Variants in MCM8 observed in about 807,000 individuals in gnomAD.
The protein encoded by MCM8 is DNA helicase MCM8.
A neutral mutation model predicts 98.9 loss-of-function variants in MCM8; 85 were observed. The ratio of observed to expected loss-of-function variants is 0.86; its 90% confidence interval spans 0.72 to 1.03. The LOEUF is 1.03. Among genes scored for constraint, MCM8 ranks in the 50% least tolerant of loss-of-function variants. The pLI, the probability that MCM8 is intolerant of heterozygous loss-of-function variation, is 0.00. For synonymous variants in MCM8, 352 were observed against 338.6 expected (o/e 1.04, Z -0.44); for missense variants, 951 against 997.8 (o/e 0.95, Z 0.63).
chr20:5,983,927 T>C (rs144332501), intron 14 of MCM8, among the ~76,000 whole-genome samples: 2 of 152,200 alleles, frequency 1.3e-5, no homozygotes, highest in Admixed American at 1.3e-4. Flanking sequence ...AAAACTATAA[T>C]AAGACTGTAG....
intron 7 of MCM8, among the ~76,000 whole-genome samples, chr20:5,959,450 A>G (rs2089078818): frequency 6.6e-6 from 1 of 152,164 alleles, no homozygotes; most frequent in African/African-American, 2.4e-5. Context: ...GGTATCCTGA[A>G]TGTAACACGC....
intron 11 of MCM8, 39 bp from the exon 12 acceptor site, chr20:5,973,017 T>G: frequency 1.9e-6 from 3 of 1,608,236 alleles, no homozygotes; most frequent in Non-Finnish European, 2.6e-6. Context: ...CCTTTATGTT[T>G]TCCTTACTTC....
chr20:5,986,096 A>G lies in MCM8; in HGVS notation c.2128A>G (p.Thr710Ala), dbSNP rs1406946015. ...SQRLNSSPIT[T>A]RQLESLIRLT... The stretch of plus-strand genomic sequence containing the variant: ...GAGGTTAAATAGCTCACCAATCACT[A>G]CCAGGCAGCTGGAATCTTTGATTCG... The change falls in exon 16 of 19, where the codon ACC becomes GCC. Residue 710 changes from threonine to alanine, a missense_variant. Transcript: ENST00000610722. The G allele has an allele frequency of 6.2e-7, 1 of 1,614,134 alleles. No homozygotes were observed. The highest frequency in any genetic ancestry group is 1.1e-5 in the South Asian group (1 of 91,080).
Position 5,986,140 on chromosome 20 carries a change from C to A in MCM8, c.2163+9C>A. Reference sequence around the variant, plus strand: ...TGATTCGTCTGACAGAGGTTTGTTTCTTTTTATGGTCATGCTTTTTTTGGC... The same window carrying A: ...TGATTCGTCTGACAGAGGTTTGTTTATTTTTATGGTCATGCTTTTTTTGGC... On this transcript the variant is annotated intron_variant, in intron 16 of 18. Transcript: ENST00000610722. 2.5e-6 allele frequency: 4 copies of A among 1,613,558 alleles called. No individual in the cohort carries two copies. The highest frequency in any genetic ancestry group is 3.4e-6 in the Non-Finnish European group (4 of 1,179,640).
chr20:5,970,301 G>T (rs762228986), intron 10 of MCM8, among the ~76,000 whole-genome samples: 3 of 152,190 alleles, frequency 2.0e-5, no homozygotes, highest in Non-Finnish European at 4.4e-5. Context: ...TTTAGTTTAG[G>T]TTCCTTCAGA....
Position 5,980,911 on chromosome 20 carries a change from A to G in MCM8, c.1538-2059A>G, listed in dbSNP as rs948038861. ...AAAAAAAGTTCAAAGTTTATGTTTT[A>G]TGCTTTAAAACAAGGGGTCATTAAA... On this transcript the variant is annotated intron_variant, in intron 13 of 18. Transcript: ENST00000610722. Among the ~76,000 whole-genome samples the G allele has an allele frequency of 4.6e-5, 7 of 150,960 alleles. No individual in the cohort carries two copies. In the East Asian group the frequency reaches 5.8e-4, roughly 13 times the overall value.
chr20:5,987,764 A>G (rs1174444758), intron 17 of MCM8, among the ~76,000 whole-genome samples: 1 of 151,808 alleles, frequency 6.6e-6, no homozygotes, highest in Non-Finnish European at 1.5e-5. Flanking sequence ...TTGTGTAGAT[A>G]TACTATATAG....
Position 5,983,237 on chromosome 20 carries a change from C to T in MCM8, c.1733+72C>T, listed in dbSNP as rs79229139. The T allele has an allele frequency of 3.7e-3, 4,738 of 1,268,302 alleles. 139 individuals are homozygous for T. The African/African-American group carries it at 0.064, about 17-fold the overall frequency. 78.6% of individuals were successfully genotyped at this position (1,268,302 alleles called of 1,614,324 possible). ...AATTCAATAAGAAAAAGAAATAGTT[C>T]ACAGAACTACAGGGGAAAAACATGG... On this transcript the variant is annotated intron_variant, in intron 14 of 18. Coordinates refer to ENST00000610722, the MANE Select transcript of MCM8 (RefSeq NM_032485.6).
At chr20:5,980,534 A>G (rs757032459) in intron 13 of MCM8, among the ~76,000 whole-genome samples, 7 of 152,214 alleles carry the variant, frequency 4.6e-5, no homozygotes, top group Non-Finnish European at 8.8e-5. Context: ...AAATATAGTA[A>G]TAAAAAGATG....
intron 16 of MCM8, among the ~76,000 whole-genome samples, chr20:5,986,952 A>G (rs1386443407): frequency 6.6e-6 from 1 of 152,098 alleles, no homozygotes; most frequent in Non-Finnish European, 1.5e-5. Flanking sequence ...CAGCTTCCCA[A>G]GTAGCTGGGA....
At chr20:5,952,857 A>C (rs2088870093) in intron 3 of MCM8, among the ~76,000 whole-genome samples, 1 of 152,264 alleles carries the variant, frequency 6.6e-6, no homozygotes, top group African/African-American at 2.4e-5. Flanking sequence ...CCTTATGGCT[A>C]AGAGACTAAA....
At chr20:5,986,717 C>T (rs1031281018) in intron 16 of MCM8, among the ~76,000 whole-genome samples, 2 of 152,204 alleles carry the variant, frequency 1.3e-5, no homozygotes, top group African/African-American at 4.8e-5. Flanking sequence ...TGTATTTCAT[C>T]ATCAAATCTC....
chr20:5,967,399 GT>G, intron 8 of MCM8, 36 bp from the exon 9 acceptor site: 1 of 1,586,386 alleles, frequency 6.3e-7, no homozygotes, highest in Non-Finnish European at 8.6e-7. Context: ...ACCATCCAAA[GT>G]AAGTATTCTA....
chr20:5,961,050 C>A (rs1039028966), intron 7 of MCM8, among the ~76,000 whole-genome samples: 13 of 152,196 alleles, frequency 8.5e-5, no homozygotes, highest in African/African-American at 3.1e-4. Context: ...TTTTGTCCAT[C>A]TGGAATTTAA....
At position 5,983,043 on chromosome 20, in the gene MCM8, A is replaced by G. The variant is rs1472689572; in HGVS notation, c.1611A>G (p.Gln537=). The change falls in exon 14 of 19, where the codon CAA becomes CAG. Residue 537 remains glutamine (Q), a synonymous_variant. Coordinates refer to ENST00000610722, the MANE Select transcript of MCM8 (RefSeq NM_032485.6). ...CCTTGTTGGAAGCCATGGAGCAGCA[A>G]AGTATTAGTCTTGCTAAGGCTGGTG... ...HQALLEAMEQ[Q]SISLAKAGVV... The G allele has an allele frequency of 1.9e-6, 3 of 1,613,962 alleles. No homozygotes were observed. The highest frequency in any genetic ancestry group is 2.5e-6 in the Non-Finnish European group (3 of 1,180,002).
At chr20:5,986,454 G>A (rs1184558028) in intron 16 of MCM8, among the ~76,000 whole-genome samples, 3 of 152,178 alleles carry the variant, frequency 2.0e-5, no homozygotes, top group Non-Finnish European at 4.4e-5. Context: ...TTGAGTATAT[G>A]GGAACATGGA....
At position 5,952,003 on chromosome 20, in the gene MCM8, T is replaced by C. The variant is rs374527934; in HGVS notation, c.-5-8T>C. 6.2e-7 allele frequency: 1 copy of C among 1,601,796 alleles called. No homozygotes were observed. The highest frequency in any genetic ancestry group is 8.5e-7 in the Non-Finnish European group (1 of 1,175,386). On this transcript the variant is annotated splice_polypyrimidine_tract_variant and splice_region_variant and intron_variant, in intron 1 of 18. Coordinates refer to ENST00000610722, the MANE Select transcript of MCM8 (RefSeq NM_032485.6). ...TTGGTGAAGACCTTTTTAATATCTA[T>C]CTTTTAGGAGAGATGAATGGAGAGT...
Position 5,954,686 on chromosome 20 carries a change from A to G in MCM8, c.332A>G (p.Asp111Gly). 6.4e-7 allele frequency: 1 copy of G among 1,574,012 alleles called. No individual in the cohort carries two copies. The highest frequency in any genetic ancestry group is 8.7e-7 in the Non-Finnish European group (1 of 1,144,550). ...KFFTRHIDLY[D>G]KDEIERKGSI... Reference sequence around the variant, plus strand: ...TTCACAAGGCATATTGATTTGTATGACAAGGTAAGATTCCTCTACAGCAAA... The same window carrying G: ...TTCACAAGGCATATTGATTTGTATGGCAAGGTAAGATTCCTCTACAGCAAA... Residue 111 changes from aspartate to glycine, a missense_variant, in exon 4 of 19, where the codon GAC (aspartate) becomes GGC (glycine). By Grantham distance (94) the Asp-to-Gly change is moderately conservative (BLOSUM62 -1). Coordinates refer to ENST00000610722, the MANE Select transcript of MCM8 (RefSeq NM_032485.6).
intron 12 of MCM8, among the ~76,000 whole-genome samples, chr20:5,976,909 G>T (rs1470945252): frequency 6.6e-6 from 1 of 152,134 alleles, no homozygotes; most frequent in Non-Finnish European, 1.5e-5. Context: ...CTAGGATTGT[G>T]CCACTGCACT....
Sources: gnomAD v4.1 joint callset for allele counts (sites outside exome capture counted in the v4.1 genomes callset) on GRCh38, gnomAD v4.1.1 for gene constraint, MANE v1.5 for transcripts, NCBI Gene and HGNC (gene_info 2026-07-23, HGNC 2026-07-21) for gene names.